The following FBXL17 variants were observed in gnomAD, a reference collection of about 807,000 sequenced individuals.
FBXL17 encodes the protein F-box and leucine rich repeat protein 17.
FBXL17 carries 22 observed loss-of-function variants against 66.2 expected under a neutral mutation model. That is an observed-to-expected ratio of 0.33 (90% CI 0.24 to 0.47). The LOEUF is 0.47. Ranked by LOEUF, FBXL17 falls within the 20% of genes least tolerant of loss-of-function variation. FBXL17 has a pLI of 1.00. For missense variants in FBXL17, 878 were observed against 948.2 expected (o/e 0.93, Z 0.97); for synonymous variants, 474 against 400.5 (o/e 1.18, Z -2.19).
chr5:108,277,460 A>C (rs1468050332), intron 4 of FBXL17, among the ~76,000 whole-genome samples: 1 of 152,192 alleles, frequency 6.6e-6, no homozygotes, highest in Non-Finnish European at 1.5e-5. Flanking sequence ...AAAACAAGTA[A>C]AAGGAAAATA....
chr5:108,189,993 C>T (rs286764), intron 5 of FBXL17, among the ~76,000 whole-genome samples: 79,823 of 151,980 alleles, frequency 0.53, 21,246 homozygotes, highest in East Asian at 0.76. Flanking sequence ...TGTGAAACCC[C>T]AGGCAGAGGA....
intron 6 of FBXL17, among the ~76,000 whole-genome samples, chr5:108,112,026 G>C (rs766630532): frequency 2.0e-5 from 3 of 152,128 alleles, no homozygotes; most frequent in African/African-American, 7.2e-5. Context: ...TTCTGGATGC[G>C]GCAAGGGAAA....
At chr5:108,286,231 C>G (rs1757895124) in intron 4 of FBXL17, among the ~76,000 whole-genome samples, 1 of 151,936 alleles carries the variant, frequency 6.6e-6, no homozygotes, top group African/African-American at 2.4e-5. Context: ...AAAACCAGAA[C>G]AAGAACAGGA....
chr5:108,325,098 C>T lies in FBXL17; in HGVS notation c.1506+23301G>A, dbSNP rs533111963. 1.0e-3 allele frequency among the ~76,000 whole-genome samples: 156 copies of T among 152,032 alleles called. 1 individual carries two copies. Among genetic ancestry groups the T allele is most frequent in the African/African-American group, 3.6e-3 (150 of 41,478 alleles). On this transcript the variant is annotated intron_variant, in intron 4 of 8. Coordinates refer to ENST00000542267, the MANE Select transcript of FBXL17 (RefSeq NM_001163315.3). ...TATAAAGTTCAGTTTTGCAAGATAA[C>T]GAGAGTTTTGGAGACTGGTTACACA...
At chr5:107,948,899 G>C (rs917814196) in intron 7 of FBXL17, among the ~76,000 whole-genome samples, 1 of 152,156 alleles carries the variant, frequency 6.6e-6, no homozygotes, top group Non-Finnish European at 1.5e-5. Flanking sequence ...AGTCAATACA[G>C]ACAGAGCATT....
chr5:108,353,315 C>T lies in FBXL17; in HGVS notation c.1375-4785G>A, dbSNP rs1433072558. On this transcript the variant is annotated intron_variant, in intron 3 of 8. Transcript: ENST00000542267. Reference sequence around the variant, plus strand: ...CCAGAAGAGAAACTACTACCAGAAACCTCAGCGGGAACCAGGGCTAGAGTA... The same window carrying T: ...CCAGAAGAGAAACTACTACCAGAAATCTCAGCGGGAACCAGGGCTAGAGTA... 2.6e-5 allele frequency among the ~76,000 whole-genome samples: 4 copies of T among 152,144 alleles called. No homozygotes were observed. In the East Asian group the frequency reaches 7.7e-4, roughly 29 times the overall value.
chr5:108,172,444 T>C (rs769734084), intron 6 of FBXL17, among the ~76,000 whole-genome samples: 6 of 152,212 alleles, frequency 3.9e-5, no homozygotes, highest in Non-Finnish European at 7.3e-5. Context: ...AAAGAGTGCG[T>C]ATATAAAAAT....
intron 4 of FBXL17, among the ~76,000 whole-genome samples, chr5:108,305,295 G>A (rs1276826160): frequency 6.6e-6 from 1 of 151,970 alleles, no homozygotes; most frequent in Non-Finnish European, 1.5e-5. Context: ...ACACATTGGG[G>A]GGATCAACAC....
At chr5:108,327,758 A>G (rs772592117) in intron 4 of FBXL17, among the ~76,000 whole-genome samples, 1 of 152,166 alleles carries the variant, frequency 6.6e-6, no homozygotes, top group Non-Finnish European at 1.5e-5. Context: ...TAAGAACAGC[A>G]TTCACTACCA....
Position 108,381,472 on chromosome 5 carries a change from C to T in FBXL17, c.220G>A (p.Ala74Thr). Residue 74 changes from alanine to threonine, a missense_variant, in exon 1 of 9, where the codon GCC becomes ACC. This residue lies in a region of FBXL17 where 605 missense variants were observed against 509.5 expected (regional missense o/e 1.19). Transcript: ENST00000542267. ...IVHSPGAPAPAGPEEEPPLSP... is the reference protein window; with the variant it reads ...IVHSPGAPAPTGPEEEPPLSP... ...AGCGGCGGCTCCTCCTCTGGGCCGGCGGGGGCGGGCGCGCCGGGACTGTGC... is the reference window on the plus strand; with the variant it reads ...AGCGGCGGCTCCTCCTCTGGGCCGGTGGGGGCGGGCGCGCCGGGACTGTGC... 4.5e-6 allele frequency: 6 copies of T among 1,321,880 alleles called. No homozygotes were observed. Among genetic ancestry groups the T allele is most frequent in the Non-Finnish European group, 5.8e-6 (6 of 1,042,426 alleles). 81.9% of individuals were successfully genotyped at this position (1,321,880 alleles called of 1,614,324 possible).
chr5:107,939,969 G>A (rs1751039290), intron 7 of FBXL17, among the ~76,000 whole-genome samples: 1 of 152,178 alleles, frequency 6.6e-6, no homozygotes, highest in Admixed American at 6.5e-5. Flanking sequence ...CAATTAAGGG[G>A]TAATAAGAAT....
intron 4 of FBXL17, among the ~76,000 whole-genome samples, chr5:108,269,525 A>C (rs1757180784): frequency 6.6e-6 from 1 of 152,034 alleles, no homozygotes; most frequent in Admixed American, 6.6e-5. Context: ...TAAATTCCTC[A>C]ATTTTTATTT....
At chr5:108,272,741 T>C (rs1265463818) in intron 4 of FBXL17, among the ~76,000 whole-genome samples, 1 of 152,174 alleles carries the variant, frequency 6.6e-6, no homozygotes, top group Non-Finnish European at 1.5e-5. Flanking sequence ...AATATTATTG[T>C]CATCAGAAAC....
chr5:107,968,286 T>C (rs1752230501), intron 7 of FBXL17, among the ~76,000 whole-genome samples: 1 of 152,080 alleles, frequency 6.6e-6, no homozygotes, highest in Admixed American at 6.6e-5. Context: ...TGAACACAGA[T>C]CCAGTGCTCT....
At chr5:108,098,872 T>C (rs1243305164) in intron 6 of FBXL17, among the ~76,000 whole-genome samples, 1 of 152,208 alleles carries the variant, frequency 6.6e-6, no homozygotes, top group African/African-American at 2.4e-5. Flanking sequence ...ATATATCATG[T>C]TTACATGTTG....
At chr5:107,867,983 T>C (rs527373616) in intron 8 of FBXL17, among the ~76,000 whole-genome samples, 1 of 152,340 alleles carries the variant, frequency 6.6e-6, no homozygotes, top group South Asian at 2.1e-4. Context: ...TGTTAATATT[T>C]TACTCAAATA....
At chr5:108,326,449 A>T (rs937161322) in intron 4 of FBXL17, among the ~76,000 whole-genome samples, 2 of 151,780 alleles carry the variant, frequency 1.3e-5, no homozygotes, top group East Asian at 3.9e-4. Context: ...AAATTAAAAA[A>T]AAAATGAGCT....
chr5:108,193,796 C>A (rs2150041131), intron 5 of FBXL17, among the ~76,000 whole-genome samples: 1 of 152,180 alleles, frequency 6.6e-6, no homozygotes, highest in Non-Finnish European at 1.5e-5. Flanking sequence ...AATTCTCAGG[C>A]ACCTTCTCTA....
chr5:108,238,316 G>C (rs551546662), intron 4 of FBXL17, among the ~76,000 whole-genome samples: 1 of 152,236 alleles, frequency 6.6e-6, no homozygotes, highest in African/African-American at 2.4e-5. Flanking sequence ...TTAAACCACA[G>C]TCAAGACAAC....
Sources: allele counts gnomAD v4.1 joint callset (sites outside exome capture counted in the v4.1 genomes callset), GRCh38; gene constraint gnomAD v4.1.1; regional missense constraint gnomAD v4.1.1; transcripts MANE v1.5; gene names NCBI Gene and HGNC (gene_info 2026-07-23, HGNC 2026-07-21).